Variants in QSOX1 observed in about 807,000 individuals in gnomAD.
The protein encoded by QSOX1 is quiescin sulfhydryl oxidase 1, also known as sulfhydryl oxidase 1.
Under a neutral mutation model 76.1 loss-of-function variants are expected in QSOX1, and 40 were observed. The ratio of observed to expected loss-of-function variants is 0.53; its 90% CI spans 0.41 to 0.68. QSOX1 has a LOEUF of 0.68. Among genes scored for constraint, QSOX1 ranks in the 30% least tolerant of loss-of-function variants. QSOX1 has a pLI of 0.00. For synonymous variants in QSOX1, 392 were observed against 413.1 expected (o/e 0.95, Z 0.62); for missense variants, 931 against 974.3 (o/e 0.96, Z 0.59).
At position 180,194,244 on chromosome 1, in the gene QSOX1, A is replaced by C; in HGVS notation, c.1320A>C (p.Arg440=). The change falls in exon 11 of 12, where the codon CGA becomes CGC. Residue 440 remains arginine, a synonymous_variant. Transcript: ENST00000367602. ...AKAKEVLPAI[R]GYVHYFFGCR... ...CCAAGGAGGTCCTCCCAGCCATCCG[A>C]GGCTACGTGCACTACTTCTTCGGCT... 6.2e-7 allele frequency: 1 copy of C among 1,613,098 alleles called. No homozygotes were observed. The highest frequency in any genetic ancestry group is 8.5e-7 in the Non-Finnish European group (1 of 1,179,494).
chr1:180,197,491 C>A lies in QSOX1; in HGVS notation c.*454C>A. The A allele has an allele frequency of 1.4e-5, 18 of 1,250,458 alleles. No homozygotes were observed. Among genetic ancestry groups the A allele is most frequent in the Non-Finnish European group, 1.9e-5 (17 of 882,444 alleles). The allele number at this position is 1,250,458 out of a possible 1,614,324, so 77.5% of individuals were successfully genotyped here. ...GCTGGGGCTCCGCCCACCCTGCTCC[C>A]TTCCGGACAATGAAGAAGCCTTTGC... On this transcript the variant is annotated 3_prime_UTR_variant, in exon 12 of 12. Transcript: ENST00000367602.
At chr1:180,166,692 C>A in intron 2 of QSOX1, 101 bp downstream of exon 2, 2 of 1,194,938 alleles carry the variant, frequency 1.7e-6, no homozygotes, top group South Asian at 1.3e-5. Flanking sequence ...CAGATTTCAG[C>A]TGCTCTGATT....
intron 1 of QSOX1, 98 bp from the exon 2 acceptor site, chr1:180,166,393 T>G: frequency 2.2e-6 from 2 of 904,334 alleles, no homozygotes; most frequent in Non-Finnish European, 3.6e-6. Flanking sequence ...ATCAGGTGCT[T>G]TGAGGTTGGC....
Position 180,155,173 on chromosome 1 carries a change from G to A in QSOX1, c.265+1G>A. The A allele has an allele frequency of 6.7e-7, 1 of 1,497,504 alleles. No individual in the cohort carries two copies. The highest frequency in any genetic ancestry group is 8.9e-7 in the Non-Finnish European group (1 of 1,127,098). 92.8% of individuals were successfully genotyped at this position (1,497,504 alleles called of 1,614,324 possible). A position where few individuals can be genotyped will look rare whatever the true frequency, so the allele number is the denominator to read the frequency against. On this transcript the variant is annotated splice_donor_variant, in intron 1 of 11. Transcript: ENST00000367602. LOFTEE classifies it high-confidence loss of function. ...AAGGCGCTGGCCGAAGACGTCAAAG[G>A]TGAGAAGCGGGGGCGGCCCGCTCCC...
At chr1:180,190,604 C>G (rs567462685) in intron 10 of QSOX1, 24 bp downstream of exon 10, 1 of 1,602,554 alleles carries the variant, frequency 6.2e-7, no homozygotes, top group African/African-American at 1.3e-5. Flanking sequence ...CCGTTCACCC[C>G]ACTGTGCCTC....
At chr1:180,188,585 T>C (rs1219365828) in intron 8 of QSOX1, among the ~76,000 whole-genome samples, 1 of 152,240 alleles carries the variant, frequency 6.6e-6, no homozygotes, top group Non-Finnish European at 1.5e-5. Context: ...GCGTGGTCTT[T>C]TCCGGCCATT....
At chr1:180,172,687 T>G (rs1662790068) in intron 2 of QSOX1, among the ~76,000 whole-genome samples, 1 of 152,034 alleles carries the variant, frequency 6.6e-6, no homozygotes, top group Non-Finnish European at 1.5e-5. Context: ...TTTGGCTAAT[T>G]TTTATATTTT....
chr1:180,173,334 T>A (rs574849679), intron 2 of QSOX1, among the ~76,000 whole-genome samples: 6 of 151,700 alleles, frequency 4.0e-5, no homozygotes, highest in Non-Finnish European at 8.8e-5. Flanking sequence ...AAAGTGTCAG[T>A]CCATAAATGC....
chr1:180,194,095 G>A lies in QSOX1; in HGVS notation c.1289-118G>A, dbSNP rs1434058638. 8 of 843,830 alleles carry A rather than the reference G, an allele frequency of 9.5e-6. No homozygotes were observed. The Admixed American group carries it at 1.1e-4, about 12-fold the overall frequency. The allele number at this position is 843,830 out of a possible 1,614,324, so 52.3% of individuals were successfully genotyped here. A position where few individuals can be genotyped will look rare whatever the true frequency, so the allele number is the denominator to read the frequency against. The stretch of plus-strand genomic sequence containing the variant: ...TCTGCTGGCATAGGCTGGGGTGTGT[G>A]GCACCTGTGCAGGGGTGGCCACGGC... On this transcript the variant is annotated intron_variant, in intron 10 of 11. Transcript: ENST00000367602.
intron 1 of QSOX1, among the ~76,000 whole-genome samples, chr1:180,156,325 ACT>A (rs1662376395): frequency 6.6e-6 from 1 of 151,948 alleles, no homozygotes; most frequent in Non-Finnish European, 1.5e-5. Context: ...TTACTTCCTG[ACT>A]CTGGTGCTAG....
chr1:180,170,057 C>G (rs960001160), intron 2 of QSOX1, among the ~76,000 whole-genome samples: 1 of 152,314 alleles, frequency 6.6e-6, no homozygotes, highest in African/African-American at 2.4e-5. Flanking sequence ...TGAGGAGACT[C>G]GTCCAGCTGG....
At chr1:180,173,212 T>C (rs140469721) in intron 2 of QSOX1, among the ~76,000 whole-genome samples, 1 of 152,188 alleles carries the variant, frequency 6.6e-6, no homozygotes, top group African/African-American at 2.4e-5. Context: ...TCCTCCCTCC[T>C]AGGTCTCCCA....
chr1:180,160,445 C>T (rs1171838345), intron 1 of QSOX1, among the ~76,000 whole-genome samples: 1 of 151,618 alleles, frequency 6.6e-6, no homozygotes, highest in Non-Finnish European at 1.5e-5. Context: ...ATAAAAGGGA[C>T]CACTAGTACA....
At chr1:180,169,561 G>C (rs1292829093) in intron 2 of QSOX1, among the ~76,000 whole-genome samples, 1 of 152,252 alleles carries the variant, frequency 6.6e-6, no homozygotes, top group East Asian at 1.9e-4. Flanking sequence ...CAAGTGTGAA[G>C]TGAGGTCTCC....
Position 180,166,516 on chromosome 1 carries a change from C to A in QSOX1, c.291C>A (p.Ala97=). ...VKAWRPALYL[A]ALDCAEETNS... is the part of the protein sequence containing the mutation. The stretch of plus-strand genomic sequence containing the variant: ...CCTGGAGGCCGGCCCTGTATCTCGC[C>A]GCCCTGGACTGTGCTGAGGAGACCA... Residue 97 remains alanine (A), a synonymous_variant, in exon 2 of 12, where the codon GCC becomes GCA. Transcript: ENST00000367602. 6.2e-7 allele frequency: 1 copy of A among 1,614,050 alleles called. No individual in the cohort carries two copies. The highest frequency in any genetic ancestry group is 8.5e-7 in the Non-Finnish European group (1 of 1,179,974).
At chr1:180,179,248 G>T (rs182676624) in intron 5 of QSOX1, among the ~76,000 whole-genome samples, 1 of 152,344 alleles carries the variant, frequency 6.6e-6, no homozygotes, top group East Asian at 1.9e-4. Flanking sequence ...AACCAGGTCC[G>T]TCTGGCTCCA....
intron 10 of QSOX1, 146 bp from the exon 11 acceptor site, chr1:180,194,067 G>C: frequency 1.6e-6 from 1 of 628,302 alleles, no homozygotes; most frequent in Admixed American, 3.2e-5. Flanking sequence ...GGGACACTGG[G>C]CCTCTGCTGG....
chr1:180,179,699 C>T (rs1298249140), intron 5 of QSOX1, among the ~76,000 whole-genome samples: 1 of 152,368 alleles, frequency 6.6e-6, no homozygotes, highest in Middle Eastern at 3.4e-3. Context: ...TGCAGGGAGA[C>T]AGGCATGAGA....
intron 1 of QSOX1, among the ~76,000 whole-genome samples, chr1:180,162,689 G>A (rs936994540): frequency 6.6e-6 from 1 of 152,192 alleles, no homozygotes; most frequent in African/African-American, 2.4e-5. Flanking sequence ...GGTGAGCCAC[G>A]ATCGCACCAC....
Sources: allele counts gnomAD v4.1 joint callset (sites outside exome capture counted in the v4.1 genomes callset), GRCh38; gene constraint gnomAD v4.1.1; transcripts MANE v1.5; gene names NCBI Gene and HGNC (gene_info 2026-07-23, HGNC 2026-07-21).